The following LMF1 variants were observed in gnomAD, a reference collection of about 807,000 sequenced individuals.
The protein encoded by LMF1 is transmembrane protein 112.
Under a neutral mutation model 60.6 loss-of-function variants are expected in LMF1, and 68 were observed. That is an observed-to-expected ratio of 1.12 (90% CI 0.92 to 1.37). The LOEUF (loss-of-function observed/expected upper bound fraction) is 1.37, where lower values mean the gene tolerates loss of function less well. Among genes scored for constraint, LMF1 ranks in the 40% most tolerant of loss-of-function variants. The pLI, the probability that LMF1 is intolerant of heterozygous loss-of-function variation, is 0.00. For synonymous variants in LMF1, 418 were observed against 324.7 expected, an observed-to-expected ratio of 1.29 and a Z score of -3.09; for missense variants, 948 against 767.2, an observed-to-expected ratio of 1.24 and a Z score of -2.78.
chr16:923,585 AAG>A (rs1457400887), intron 3 of LMF1, among the ~76,000 whole-genome samples: 1 of 152,204 alleles, frequency 6.6e-6, no homozygotes, highest in East Asian at 1.9e-4. Context: ...AGCTCTAAAA[AAG>A]AGAAATCCTC....
chr16:960,417 ACAGCACGGG>A (rs2072803222), intron 1 of LMF1, among the ~76,000 whole-genome samples: 1 of 90,944 alleles, frequency 1.1e-5, no homozygotes, highest in Admixed American at 1.1e-4. Flanking sequence ...ACTCACGGTG[ACAGCACGGG>A]ATCACGACCC....
At chr16:929,505 C>T (rs1198145938) in intron 3 of LMF1, among the ~76,000 whole-genome samples, 4 of 152,250 alleles carry the variant, frequency 2.6e-5, no homozygotes, top group Admixed American at 2.6e-4. Flanking sequence ...CTGCCACCCG[C>T]TGCTGCGGGT....
In LMF1 at chr16:879,697, TG is replaced by T. The variant is rs1266226439; in HGVS notation, c.769del (p.His257ThrfsTer55). On this transcript the variant is annotated frameshift_variant, in exon 6 of 11. Transcript: ENST00000262301. LOFTEE classifies it high-confidence loss of function. ...GAAGCGATGGAACCACCAGGGTGAG[TG>T]GTGCAGGTAGTACGCCACAGGATTG... ...MPNPVAYYLH[H>X]SPWWFHRFET... The T allele has an allele frequency of 6.2e-7, 1 of 1,603,310 alleles. No homozygotes were observed. Among genetic ancestry groups the T allele is most frequent in the Non-Finnish European group, 8.5e-7 (1 of 1,175,602 alleles).
At position 856,079 on chromosome 16, in the gene LMF1, G is replaced by C. The variant is rs1000355362; in HGVS notation, c.1530-1373C>G. 1.0e-4 allele frequency: 42 copies of C among 405,388 alleles called. No homozygotes were observed. Among genetic ancestry groups the C allele is most frequent in the African/African-American group, 8.1e-4 (39 of 48,342 alleles). The allele number at this position is 405,388 out of a possible 1,614,324, so 25.1% of individuals were successfully genotyped here. A position where few individuals can be genotyped will look rare whatever the true frequency, so the allele number is the denominator to read the frequency against. On this transcript the variant is annotated intron_variant, in intron 10 of 10. Transcript: ENST00000262301. ...GCCTGATGGGAGAGAGGGATCAGCA[G>C]CTCCAAGAGGAGTGGGGTCGGGCCT...
Position 854,509 on chromosome 16 carries a change from T to TC in LMF1, c.*22dup. 1 of 1,598,488 alleles carries TC rather than the reference T, an allele frequency of 6.3e-7. No homozygotes were observed. Among genetic ancestry groups the TC allele is most frequent in the Non-Finnish European group, 8.5e-7 (1 of 1,176,144 alleles). The stretch of plus-strand genomic sequence containing the variant: ...GCTGAGCCGCCGAGGGGCTGGGTCT[T>TC]CGCCTTTATTTCTGGTGCACGTCTA... On this transcript the variant is annotated 3_prime_UTR_variant, in exon 11 of 11. Transcript: ENST00000262301.
chr16:974,333 C>A (rs1236034145), upstream of LMF1, among the ~76,000 whole-genome samples: 1 of 152,158 alleles, frequency 6.6e-6, no homozygotes, highest in Non-Finnish European at 1.5e-5. Flanking sequence ...GCACGTGGGC[C>A]CTGCCCTGAG....
At chr16:911,227 C>T (rs1271713373) in intron 3 of LMF1, 148 bp from the exon 4 acceptor site, 1 of 914,556 alleles carries the variant, frequency 1.1e-6, no homozygotes, top group African/African-American at 1.7e-5. Flanking sequence ...GTATTAGTCT[C>T]AACATCGACA....
chr16:981,042 C>T (rs1326881119), intron 1 of LMF1: 1 of 232,038 alleles, frequency 4.3e-6, no homozygotes, highest in East Asian at 1.8e-4. Context: ...CTGGCCGGCC[C>T]CCGGGACCGC....
chr16:930,438 G>A (rs1347006326), intron 3 of LMF1, among the ~76,000 whole-genome samples: 2 of 152,368 alleles, frequency 1.3e-5, no homozygotes, highest in South Asian at 2.1e-4. Context: ...CAGTGCGCCT[G>A]TAGTCCCAGC....
rs150814779 is a variant in LMF1 at position 853,741 on chromosome 16, G to A, written c.*791C>T. 5.7e-5 allele frequency: 26 copies of A among 454,136 alleles called. No individual in the cohort carries two copies. Among genetic ancestry groups the A allele is most frequent in the East Asian group, 5.6e-4 (8 of 14,396 alleles). 28.1% of individuals were successfully genotyped at this position (454,136 alleles called of 1,614,324 possible). ...AATGTGCAGTAGACGCTGTTTGTCC[G>A]ACGATGATGAAAGTGTGCACGGCCG... On this transcript the variant is annotated 3_prime_UTR_variant, in exon 11 of 11. Coordinates refer to ENST00000262301, the MANE Select transcript of LMF1 (RefSeq NM_022773.4).
chr16:913,358 G>C (rs919070847), intron 3 of LMF1, among the ~76,000 whole-genome samples: 1 of 152,224 alleles, frequency 6.6e-6, no homozygotes, highest in Non-Finnish European at 1.5e-5. Flanking sequence ...TCCTTCCTGC[G>C]ACACAGACAG....
chr16:868,859 G>A (rs2069687874), intron 10 of LMF1, 85 bp downstream of exon 10: 2 of 870,874 alleles, frequency 2.3e-6, no homozygotes, highest in Non-Finnish European at 3.8e-6. Context: ...GTGAGCAGGT[G>A]GGGGTGCAGG....
chr16:879,894 G>A (rs1002904097), intron 5 of LMF1, among the ~76,000 whole-genome samples, 157 bp from the exon 6 acceptor site: 2 of 152,198 alleles, frequency 1.3e-5, no homozygotes, highest in Non-Finnish European at 2.9e-5. Flanking sequence ...CACCTGCCAC[G>A]CTAAGAGGGG....
intron 5 of LMF1, among the ~76,000 whole-genome samples, chr16:889,475 G>A (rs2070414022): frequency 6.6e-6 from 1 of 152,004 alleles, no homozygotes; most frequent in Admixed American, 6.5e-5. Flanking sequence ...AAGCCCGGAG[G>A]GAGGAGTCCC....
intron 2 of LMF1, among the ~76,000 whole-genome samples, chr16:944,474 CT>C (rs1172418092): frequency 1.3e-5 from 2 of 152,258 alleles, no homozygotes; most frequent in Non-Finnish European, 2.9e-5. Context: ...GCCTTGTGTT[CT>C]GCTGGGTGCC....
At chr16:967,008 C>A (rs896143675) in intron 1 of LMF1, among the ~76,000 whole-genome samples, 3 of 152,244 alleles carry the variant, frequency 2.0e-5, no homozygotes, top group Non-Finnish European at 2.9e-5. Context: ...GGAGAACCCA[C>A]CCAGGGTGGG....
chr16:856,690 C>A (rs574420887), intron 10 of LMF1, among the ~76,000 whole-genome samples: 1 of 152,364 alleles, frequency 6.6e-6, no homozygotes, highest in South Asian at 2.1e-4. Flanking sequence ...TCTGTGCCAA[C>A]TGGCAGGTTG....
upstream of LMF1, among the ~76,000 whole-genome samples, chr16:974,867 A>G (rs1486745546): frequency 1.3e-5 from 2 of 152,180 alleles, no homozygotes; most frequent in African/African-American, 4.8e-5. Context: ...CCCGAAGATA[A>G]TCGTGCACCC....
chr16:932,814 A>C (rs2151785551), intron 3 of LMF1, among the ~76,000 whole-genome samples: 1 of 152,314 alleles, frequency 6.6e-6, no homozygotes, highest in East Asian at 1.9e-4. Context: ...TTTGATACTG[A>C]ATGTATCCTG....
Sources: gnomAD v4.1 joint callset for allele counts (sites outside exome capture counted in the v4.1 genomes callset) on GRCh38, gnomAD v4.1.1 for gene constraint, MANE v1.5 for transcripts, NCBI Gene and HGNC (gene_info 2026-07-23, HGNC 2026-07-21) for gene names.